RGS6: variants seen among roughly 807,000 people sequenced by gnomAD.
RGS6 encodes regulator of G-protein signaling 6.
RGS6 carries 30 observed loss-of-function variants against 78.5 expected under a neutral mutation model. The observed-to-expected ratio is 0.38, with a 90% confidence interval of 0.29 to 0.52. The LOEUF (loss-of-function observed/expected upper bound fraction) is 0.52, where lower values mean the gene tolerates loss of function less well. Ranked by LOEUF, RGS6 falls within the 20% of genes least tolerant of loss-of-function variation. The probability of loss-of-function intolerance (pLI) is 0.85; values close to 1 mark genes in which losing one functional copy is unlikely to be tolerated. For missense variants in RGS6, 495 were observed against 609.7 expected, an observed-to-expected ratio of 0.81 and a Z score of 1.98; for synonymous variants, 206 against 206.0, an observed-to-expected ratio of 1.00 and a Z score of 0.00.
chr14:72,130,937 G>A (rs1301029697), intron 2 of RGS6, among the ~76,000 whole-genome samples: 1 of 152,202 alleles, frequency 6.6e-6, no homozygotes, highest in Admixed American at 6.5e-5. Context: ...GTTGGACACT[G>A]TTTCCCCTTG....
In RGS6 at chr14:72,539,767, G is replaced by A. The variant is rs8008624; in HGVS notation, c.1369-274G>A. On this transcript the variant is annotated intron_variant, in intron 16 of 17. Transcript: ENST00000553525. Reference sequence around the variant, plus strand: ...TCATGATGGTTCTGATCCAAGCCCCGCAAGCACCATTCATGGCCCCCGGAG... The same window carrying A: ...TCATGATGGTTCTGATCCAAGCCCCACAAGCACCATTCATGGCCCCCGGAG... Among the ~76,000 whole-genome samples, 1,451 of 152,278 alleles carry A rather than the reference G, an allele frequency of 9.5e-3. 23 individuals are homozygous for A. The highest frequency in any genetic ancestry group is 0.033 in the African/African-American group (1,362 of 41,562).
chr14:72,181,728 A>G (rs535927693), intron 2 of RGS6, among the ~76,000 whole-genome samples: 1 of 152,350 alleles, frequency 6.6e-6, no homozygotes, highest in African/African-American at 2.4e-5. Context: ...AACCTTGAAT[A>G]CTAGTAAGCT....
intron 2 of RGS6, among the ~76,000 whole-genome samples, chr14:72,341,869 C>T (rs1162468624): frequency 6.6e-6 from 1 of 151,966 alleles, no homozygotes; most frequent in Non-Finnish European, 1.5e-5. Flanking sequence ...ATCCTAGAGT[C>T]CAGGGTGTCC....
At chr14:71,873,654 C>T in the RGS6 span, among the ~76,000 whole-genome samples, 5 of 152,124 alleles carry the variant, frequency 3.3e-5, no homozygotes, top group Admixed American at 2.0e-4. Context: ...TAATTAGATC[C>T]CATTTCTCAA....
intron 2 of RGS6, among the ~76,000 whole-genome samples, chr14:72,347,845 C>G (rs1009138792): frequency 1.3e-5 from 2 of 152,274 alleles, no homozygotes; most frequent in South Asian, 2.1e-4. Flanking sequence ...ATAAATTATA[C>G]TCATTGTCCA....
chr14:72,138,665 C>T (rs2096489679), intron 2 of RGS6, among the ~76,000 whole-genome samples: 1 of 151,890 alleles, frequency 6.6e-6, no homozygotes, highest in Non-Finnish European at 1.5e-5. Flanking sequence ...CAGTGACTCC[C>T]CATCACTCAT....
At chr14:71,929,550 C>T (rs2087770908), upstream of RGS6, among the ~76,000 whole-genome samples, 2 of 152,134 alleles carry the variant, frequency 1.3e-5, no homozygotes, top group South Asian at 4.1e-4. Context: ...ATTACAGCTG[C>T]ATGTTAATAA....
At position 72,554,282 on chromosome 14, in the gene RGS6, A is replaced by ATAAG. The variant is rs1363997993; in HGVS notation, c.1423-8133_1423-8130dup. Among the ~76,000 whole-genome samples, 5 of 152,366 alleles carry ATAAG rather than the reference A, an allele frequency of 3.3e-5. No homozygotes were observed. The South Asian group carries it at 1.0e-3, about 32-fold the overall frequency. ...TTTTGGGTGAACACATTTGCAAGAG[A>ATAAG]TAAGTGTCCTCAGGAGGATGGGGTC... On this transcript the variant is annotated intron_variant, in intron 17 of 17. Transcript: ENST00000553525.
chr14:72,415,493 A>G (rs1047822326), intron 3 of RGS6, among the ~76,000 whole-genome samples: 2 of 152,238 alleles, frequency 1.3e-5, no homozygotes, highest in African/African-American at 4.8e-5. Flanking sequence ...TTCCTGGATG[A>G]GGCGATGCCT....
At chr14:72,309,498 G>A (rs572243182) in intron 2 of RGS6, among the ~76,000 whole-genome samples, 2 of 152,280 alleles carry the variant, frequency 1.3e-5, no homozygotes, top group South Asian at 4.1e-4. Flanking sequence ...CATTCACCAT[G>A]GGCTTTTCTA....
chr14:72,169,974 G>C (rs1283572216), intron 2 of RGS6, among the ~76,000 whole-genome samples: 1 of 152,186 alleles, frequency 6.6e-6, no homozygotes, highest in Non-Finnish European at 1.5e-5. Flanking sequence ...AGAGCCAGTA[G>C]ATGGAAAGAT....
At chr14:72,156,707 ACAAT>A (rs2067154) in intron 2 of RGS6, among the ~76,000 whole-genome samples, 15,253 of 152,140 alleles carry the variant, frequency 0.1, 849 homozygotes, top group East Asian at 0.27. Flanking sequence ...TCAGCAGGAA[ACAAT>A]CAAGTAAGGA....
In RGS6 at chr14:72,366,662, A is replaced by G. The variant is rs558525812; in HGVS notation, c.184+14468A>G. 5.9e-5 allele frequency among the ~76,000 whole-genome samples: 9 copies of G among 152,312 alleles called. No homozygotes were observed. In the East Asian group the frequency reaches 1.2e-3, roughly 20 times the overall value. On this transcript the variant is annotated intron_variant, in intron 3 of 17. Transcript: ENST00000553525. ...AGAGCCACCCTACCAATCCCTTTTC[A>G]GGACTACAGACCAACCTCCTCAGAC...
At chr14:72,489,846 ACTT>A (rs1220266058) in intron 12 of RGS6, among the ~76,000 whole-genome samples, 1 of 152,100 alleles carries the variant, frequency 6.6e-6, no homozygotes. Flanking sequence ...CCGAGTATAA[ACTT>A]CTGTTGTTTT....
chr14:72,344,752 A>C (rs2077681244), intron 2 of RGS6, among the ~76,000 whole-genome samples: 1 of 152,212 alleles, frequency 6.6e-6, no homozygotes. Flanking sequence ...AGAGGGTTTA[A>C]TAAGAGCTTA....
intron 2 of RGS6, among the ~76,000 whole-genome samples, chr14:72,062,467 A>T (rs2093940350): frequency 6.6e-6 from 1 of 152,242 alleles, no homozygotes; most frequent in Non-Finnish European, 1.5e-5. Context: ...GAGGGCAAGA[A>T]AACAAACAGA....
the RGS6 span, among the ~76,000 whole-genome samples, chr14:72,624,242 A>C: frequency 6.6e-6 from 1 of 152,086 alleles, no homozygotes; most frequent in Non-Finnish European, 1.5e-5. Context: ...CTATAGCAGA[A>C]TTACGAAAAT....
intron 2 of RGS6, among the ~76,000 whole-genome samples, chr14:72,247,651 T>C (rs886695275): frequency 1.3e-5 from 2 of 152,206 alleles, no homozygotes; most frequent in Non-Finnish European, 2.9e-5. Flanking sequence ...TGCAATAGCA[T>C]TGGGAGGTGG....
intron 3 of RGS6, among the ~76,000 whole-genome samples, chr14:72,379,773 A>G (rs894614494): frequency 7.2e-5 from 11 of 152,092 alleles, no homozygotes; most frequent in East Asian, 3.8e-4. Context: ...ATTCAATGCA[A>G]TCTCTACCAA....
Sources: allele counts gnomAD v4.1 joint callset (sites outside exome capture counted in the v4.1 genomes callset), GRCh38; gene constraint gnomAD v4.1.1; transcripts MANE v1.5; gene names NCBI Gene and HGNC (gene_info 2026-07-23, HGNC 2026-07-21).